PJA2: variants seen among roughly 807,000 people sequenced by gnomAD.
PJA2 encodes the protein E3 ubiquitin-protein ligase Praja-2.
In PJA2, 25 loss-of-function variants were observed where a neutral mutation model predicts 69.3. That is an observed-to-expected ratio of 0.36 (90% CI 0.26 to 0.50). PJA2 has a LOEUF of 0.50. Ranked by LOEUF, PJA2 falls within the 20% of genes least tolerant of loss-of-function variation. PJA2 has a pLI of 0.96. For missense variants in PJA2, 809 were observed against 830.2 expected (o/e 0.97, Z 0.31); for synonymous variants, 308 against 277.8 (o/e 1.11, Z -1.08).
intron 3 of PJA2, among the ~76,000 whole-genome samples, chr5:109,380,016 T>C (rs1747002769): frequency 1.3e-5 from 2 of 151,864 alleles, no homozygotes; most frequent in Admixed American, 6.6e-5. Flanking sequence ...AATTCATGAA[T>C]TGTAAAATAA....
chr5:109,376,179 A>T (rs1219556696), intron 4 of PJA2, among the ~76,000 whole-genome samples: 1 of 151,848 alleles, frequency 6.6e-6, no homozygotes, highest in Non-Finnish European at 1.5e-5. Flanking sequence ...CAGGCTCTGT[A>T]GTCAATACAT....
chr5:109,408,862 A>T (rs1747753824), intron 1 of PJA2, among the ~76,000 whole-genome samples: 1 of 152,246 alleles, frequency 6.6e-6, no homozygotes, highest in Non-Finnish European at 1.5e-5. Flanking sequence ...AATGATCCGT[A>T]GCCTTCAGCA....
At chr5:109,347,547 G>C (rs413387) in intron 7 of PJA2, among the ~76,000 whole-genome samples, 66,358 of 152,144 alleles carry the variant, frequency 0.44, 17,805 homozygotes, top group Non-Finnish European at 0.59. Context: ...ATCTTAGGTG[G>C]TTCTGCAGCA....
At chr5:109,375,308 A>C (rs547874088) in intron 4 of PJA2, among the ~76,000 whole-genome samples, 1 of 152,160 alleles carries the variant, frequency 6.6e-6, no homozygotes, top group East Asian at 1.9e-4. Flanking sequence ...TCACAGGTTC[A>C]AGACCAGCAT....
At chr5:109,387,806 A>C (rs1747192671) in intron 1 of PJA2, among the ~76,000 whole-genome samples, 1 of 129,874 alleles carries the variant, frequency 7.7e-6, no homozygotes, top group Admixed American at 8.4e-5. Flanking sequence ...CTCACAGTAA[A>C]CTAGTGAATT....
At chr5:109,385,120 G>A (rs1272235148) in intron 1 of PJA2, among the ~76,000 whole-genome samples, 1 of 152,158 alleles carries the variant, frequency 6.6e-6, no homozygotes, top group Non-Finnish European at 1.5e-5. Context: ...TGGCTGAAAT[G>A]TGCGTTTTAT....
intron 9 of PJA2, among the ~76,000 whole-genome samples, chr5:109,341,814 G>T (rs1762068818): frequency 2.6e-5 from 3 of 113,864 alleles, no homozygotes; most frequent in South Asian, 6.3e-4. Context: ...CGCCCCGTCC[G>T]GGAGGGAGGT....
rs143732740 is a variant in PJA2 at position 109,407,795 on chromosome 5, C to T, written c.-88+2047G>A. Among the ~76,000 whole-genome samples, 499 of 151,630 alleles carry T rather than the reference C, an allele frequency of 3.3e-3. 13 individuals are homozygous for T. Among genetic ancestry groups the T allele is most frequent in the Admixed American group, 0.025 (382 of 15,240 alleles). On this transcript the variant is annotated intron_variant, in intron 1 of 9. Transcript: ENST00000361189. Reference sequence around the variant, plus strand: ...AGGAATACCAGGAAGGAATGTTATACGTATGAAGAAAAAAAAGAAAAACTA... The same window carrying T: ...AGGAATACCAGGAAGGAATGTTATATGTATGAAGAAAAAAAAGAAAAACTA...
chr5:109,394,338 A>G lies in PJA2; in HGVS notation c.-87-10818T>C, dbSNP rs200588047. Among the ~76,000 whole-genome samples the G allele has an allele frequency of 1.8e-4, 28 of 152,160 alleles. 1 individual carries two copies. In the East Asian group the frequency reaches 5.2e-3, roughly 28 times the overall value. On this transcript the variant is annotated intron_variant, in intron 1 of 9. Transcript: ENST00000361189. ...GCTGGGATTACAGGTGTGAGCCGCC[A>G]TGCCCAGCCACATGCTAGTTCTCGA... is the stretch of plus-strand genomic sequence containing the variant.
intron 6 of PJA2, among the ~76,000 whole-genome samples, chr5:109,362,313 T>A (rs1248343927): frequency 6.6e-6 from 1 of 152,244 alleles, no homozygotes; most frequent in African/African-American, 2.4e-5. Flanking sequence ...TTCACTTACA[T>A]GTTACTTTCA....
chr5:109,393,386 T>C (rs572333754), intron 1 of PJA2, among the ~76,000 whole-genome samples: 14 of 152,350 alleles, frequency 9.2e-5, no homozygotes, highest in African/African-American at 3.4e-4. Flanking sequence ...CAGCTGTAAA[T>C]ATACATCTCT....
At chr5:109,357,329 T>C (rs965973708) in intron 6 of PJA2, among the ~76,000 whole-genome samples, 2 of 145,218 alleles carry the variant, frequency 1.4e-5, no homozygotes, top group Non-Finnish European at 3.2e-5. Context: ...TGTCAACCCA[T>C]GTGCCGTAAT....
chr5:109,402,602 T>C (rs551769288), intron 1 of PJA2, among the ~76,000 whole-genome samples: 3 of 152,226 alleles, frequency 2.0e-5, no homozygotes, highest in Admixed American at 2.0e-4. Context: ...CTTCTCTCAA[T>C]GATCAATGAA....
intron 7 of PJA2, among the ~76,000 whole-genome samples, chr5:109,355,023 C>T (rs1389916084): frequency 6.6e-6 from 1 of 152,018 alleles, no homozygotes; most frequent in Non-Finnish European, 1.5e-5. Flanking sequence ...CTGGGACAGG[C>T]TAAGGTGGGC....
At chr5:109,400,380 C>G (rs1485274582) in intron 1 of PJA2, among the ~76,000 whole-genome samples, 2 of 148,346 alleles carry the variant, frequency 1.3e-5, no homozygotes, top group Non-Finnish European at 3.0e-5. Context: ...TAAAAAACAA[C>G]AGCAACAAAA....
chr5:109,382,999 A>T (rs1367424092), intron 2 of PJA2, among the ~76,000 whole-genome samples: 1 of 152,234 alleles, frequency 6.6e-6, no homozygotes, highest in Non-Finnish European at 1.5e-5. Flanking sequence ...AATAATATCA[A>T]GTGTTACACT....
intron 1 of PJA2, chr5:109,390,595 T>C (rs781683885): frequency 6.6e-6 from 1 of 152,064 alleles, no homozygotes; most frequent in Non-Finnish European, 1.5e-5. Flanking sequence ...CAATGTAGTC[T>C]GGTTTAAATC....
chr5:109,376,583 G>A (rs372177487), intron 4 of PJA2, among the ~76,000 whole-genome samples: 1 of 151,672 alleles, frequency 6.6e-6, no homozygotes, highest in Admixed American at 6.6e-5. Flanking sequence ...AAATGACAAA[G>A]GTATAGCCAA....
rs10052801 is a variant in PJA2, at chr5:109,381,627, A to G, written c.108T>C (p.Tyr36=). 0.014 allele frequency: 22,795 copies of G among 1,614,064 alleles called. 259 individuals are homozygous for G. Among genetic ancestry groups the G allele is most frequent in the Non-Finnish European group, 0.016 (19,466 of 1,179,994 alleles). ...GGYQTITGRR[Y]GRRHAYVSFK... ...AACTGACATAAGCATGTCTTCTTCC[A>G]TATCTCCTGCCTGTAATTGTCTGAT... is the stretch of plus-strand genomic sequence containing the variant. Residue 36 remains tyrosine (Y), a synonymous_variant, in exon 3 of 10, where the codon TAT becomes TAC. Coordinates refer to ENST00000361189, the MANE Select transcript of PJA2 (RefSeq NM_014819.5).
Sources: allele counts gnomAD v4.1 joint callset (sites outside exome capture counted in the v4.1 genomes callset), GRCh38; gene constraint gnomAD v4.1.1; transcripts MANE v1.5; gene names NCBI Gene and HGNC (gene_info 2026-07-23, HGNC 2026-07-21).